CATSPER1: variants seen among roughly 807,000 people sequenced by gnomAD.
CATSPER1 encodes the protein cation channel sperm-associated protein 1.
Under a neutral mutation model 72.7 loss-of-function variants are expected in CATSPER1, and 57 were observed. The ratio of observed to expected loss-of-function variants is 0.78; its 90% CI spans 0.63 to 0.98. The LOEUF is 0.98. Ranked by LOEUF, CATSPER1 falls within the 50% of genes least tolerant of loss-of-function variation. The probability of loss-of-function intolerance (pLI) is 0.00; values close to 1 mark genes in which losing one functional copy is unlikely to be tolerated. For synonymous variants in CATSPER1, 363 were observed against 403.0 expected (o/e 0.90, Z 1.19); for missense variants, 910 against 1,033.9 (o/e 0.88, Z 1.64).
Position 66,016,843 on chromosome 11 carries a change from G to A in CATSPER1, c.*47C>T, listed in dbSNP as rs201745973. 2.7e-5 allele frequency: 43 copies of A among 1,598,850 alleles called. No individual in the cohort carries two copies. The African/African-American group carries it at 4.7e-4, about 17-fold the overall frequency. On this transcript the variant is annotated 3_prime_UTR_variant, in exon 12 of 12. Coordinates refer to ENST00000312106, the MANE Select transcript of CATSPER1 (RefSeq NM_053054.4). ...GGGACCCGTCCCAGTGCACCCAGGTGGGCAGACTGCCAGGGGCTGAAGTCT... is the reference window on the plus strand; with the variant it reads ...GGGACCCGTCCCAGTGCACCCAGGTAGGCAGACTGCCAGGGGCTGAAGTCT...
At position 66,022,843 on chromosome 11, in the gene CATSPER1, T is replaced by A. The variant is rs780145838; in HGVS notation, c.1429+6A>T. ...CTCCATGGGAACAGGACTCCCTGGC[T>A]CTTACCGCCCCGGATCTCGACTTCA... On this transcript the variant is annotated splice_donor_region_variant and intron_variant, in intron 2 of 11. Coordinates refer to ENST00000312106, the MANE Select transcript of CATSPER1 (RefSeq NM_053054.4). 2 of 1,614,134 alleles carry A rather than the reference T, an allele frequency of 1.2e-6. No homozygotes were observed. The highest frequency in any genetic ancestry group is 1.7e-6 in the Non-Finnish European group (2 of 1,179,990).
At chr11:66,017,971 G>C (rs1452377347) in intron 10 of CATSPER1, among the ~76,000 whole-genome samples, 1 of 152,176 alleles carries the variant, frequency 6.6e-6, no homozygotes, top group Non-Finnish European at 1.5e-5. Context: ...GGTCAAGGCA[G>C]GTGGATCATT....
chr11:66,018,078 T>C (rs750909693), intron 10 of CATSPER1, among the ~76,000 whole-genome samples: 1 of 151,624 alleles, frequency 6.6e-6, no homozygotes, highest in Non-Finnish European at 1.5e-5. Flanking sequence ...TGTGGTGACA[T>C]GCACCTGTAA....
chr11:66,025,733 C>A lies in CATSPER1; in HGVS notation c.647G>T (p.Gly216Val), dbSNP rs1400178489. 2 of 1,613,560 alleles carry A rather than the reference C, an allele frequency of 1.2e-6. No homozygotes were observed. The highest frequency in any genetic ancestry group is 1.7e-6 in the Non-Finnish European group (2 of 1,179,896). Residue 216 changes from glycine (G) to valine (V), a missense_variant, in exon 1 of 12, where the codon GGC becomes GTC. By Grantham distance (109) the Gly-to-Val change is moderately radical. Coordinates refer to ENST00000312106, the MANE Select transcript of CATSPER1 (RefSeq NM_053054.4). ...ESQHHQVPHR[G>V]WPHHHQVHHH... ...GTGGACTTGGTGATGGTGGGGCCAG[C>A]CACGGTGGGGGACTTGGTGATGCTG...
chr11:66,018,833 G>A lies in CATSPER1; in HGVS notation c.2195C>T (p.Thr732Ile), dbSNP rs1434880429. The A allele has an allele frequency of 1.2e-6, 2 of 1,613,494 alleles. No individual in the cohort carries two copies. The highest frequency in any genetic ancestry group is 2.7e-5 in the African/African-American group (2 of 74,958). ...RLIEKKFGTM[T>I]EKQQELLFHY... is the part of the protein sequence containing the mutation. ...TCCCTTCCTGTCTCCTCACTTCTCA[G>A]TCATGGTCCCAAACTTTTTCTCGAT... The change falls in exon 10 of 12, where the codon ACT (threonine) becomes ATT (isoleucine). Residue 732 changes from threonine (T) to isoleucine (I), a missense_variant. Transcript: ENST00000312106.
At chr11:66,019,918 CAAAAAAAAAAAAAAAAA>C (rs60681273) in intron 9 of CATSPER1, among the ~76,000 whole-genome samples, 6 of 62,692 alleles carry the variant, frequency 9.6e-5, no homozygotes, top group Non-Finnish European at 1.7e-4. Flanking sequence ...GACTCCATCT[CAAAAAAAAAAAAAAAAA>C]AAAAAAAAAG....
At chr11:66,022,167 C>G (rs1856388646) in intron 2 of CATSPER1, among the ~76,000 whole-genome samples, 1 of 152,124 alleles carries the variant, frequency 6.6e-6, no homozygotes. Context: ...TGGTGAAACC[C>G]TGTTTCTACC....
chr11:66,023,602 T>C (rs1043404196), intron 1 of CATSPER1, among the ~76,000 whole-genome samples: 3 of 150,958 alleles, frequency 2.0e-5, no homozygotes, highest in African/African-American at 4.9e-5. Flanking sequence ...CCCAGCACTT[T>C]GGGAGGTTGA....
rs1475918157 is a variant in CATSPER1 at position 66,021,797 on chromosome 11, G to C, written c.1512C>G (p.Leu504=). ...TGTTCCAGAAGTCAAAGAAGTACGA[G>C]AGGCCCAGGGCGATGATCTTGAGCA... ...EALLKIIALG[L]SYFFDFWNNL... is the part of the protein sequence containing the mutation. Residue 504 remains leucine, a synonymous_variant, in exon 3 of 12, where the codon CTC becomes CTG. Transcript: ENST00000312106. 1.9e-6 allele frequency: 3 copies of C among 1,614,036 alleles called. No individual in the cohort carries two copies. Among genetic ancestry groups the C allele is most frequent in the Non-Finnish European group, 2.5e-6 (3 of 1,180,028 alleles).
At position 66,021,148 on chromosome 11, in the gene CATSPER1, C is replaced by T. The variant is rs765838269; in HGVS notation, c.1729G>A (p.Gly577Ser). 6.2e-7 allele frequency: 1 copy of T among 1,613,494 alleles called. No individual in the cohort carries two copies. Among genetic ancestry groups the T allele is most frequent in the South Asian group, 1.1e-5 (1 of 90,934 alleles). The change falls in exon 5 of 12, where the codon GGC becomes AGC. Residue 577 changes from glycine to serine, a missense_variant. Transcript: ENST00000312106. Reference protein sequence around the residue: ...TSVQEVTGTLGQSLPSIAAIL... With the variant: ...TSVQEVTGTLSQSLPSIAAIL... ...GCTGCGATGGACGGCAAGGACTGGCCCAGGGTCCCTGTCACTTCCTGGACG... is the reference window on the plus strand; with the variant it reads ...GCTGCGATGGACGGCAAGGACTGGCTCAGGGTCCCTGTCACTTCCTGGACG...
Position 66,017,127 on chromosome 11 carries a change from T to C in CATSPER1, c.2249A>G (p.Glu750Gly). 1 of 1,378,092 alleles carries C rather than the reference T, an allele frequency of 7.3e-7. No homozygotes were observed. The highest frequency in any genetic ancestry group is 9.6e-7 in the Non-Finnish European group (1 of 1,036,786). 85.4% of individuals were successfully genotyped at this position (1,378,092 alleles called of 1,614,324 possible). A position where few individuals can be genotyped will look rare whatever the true frequency, so the allele number is the denominator to read the frequency against. ...FHYLQLVASV[E>G]QEQQKFRSQA... Reference sequence around the variant, plus strand: ...GGAGCGGAACTTCTGCTGCTCCTGCTCCACGCTTGCCACCAGCTGCAGGTA... The same window carrying C: ...GGAGCGGAACTTCTGCTGCTCCTGCCCCACGCTTGCCACCAGCTGCAGGTA... The change falls in exon 11 of 12, where the codon GAG becomes GGG. Residue 750 changes from glutamate (E) to glycine (G), a missense_variant. By Grantham distance (98) the Glu-to-Gly change is moderately conservative. Transcript: ENST00000312106.
chr11:66,021,009 C>A, intron 5 of CATSPER1, 55 bp from the exon 6 acceptor site: 3 of 1,611,628 alleles, frequency 1.9e-6, no homozygotes, highest in Non-Finnish European at 2.5e-6. Flanking sequence ...CCCAGCGCCC[C>A]TCGTCCTGCC....
At chr11:66,019,623 C>T (rs2134988288) in intron 9 of CATSPER1, among the ~76,000 whole-genome samples, 1 of 152,110 alleles carries the variant, frequency 6.6e-6, no homozygotes, top group East Asian at 1.9e-4. Flanking sequence ...GGTGTTGTGG[C>T]TCACACCTGC....
At chr11:66,024,033 G>A (rs757052464) in intron 1 of CATSPER1, among the ~76,000 whole-genome samples, 4 of 151,500 alleles carry the variant, frequency 2.6e-5, no homozygotes, top group Non-Finnish European at 5.9e-5. Context: ...TCGTGATCTC[G>A]GCTCACTACA....
rs1355990200 is a variant in CATSPER1, at chr11:66,021,601, A to G, written c.1586T>C (p.Met529Thr). ...MAMAVLDFLL[M>T]QTHSFAIYHQ... ...GTAGATGGCGAAGGAGTGGGTCTGC[A>G]TCAGCAAGAAGTCCAGCACGGCCAT... Residue 529 changes from methionine to threonine, a missense_variant, in exon 4 of 12, where the codon ATG becomes ACG. Physicochemically the swap from Met to Thr is moderately conservative, Grantham distance 81. Coordinates refer to ENST00000312106, the MANE Select transcript of CATSPER1 (RefSeq NM_053054.4). 1.9e-6 allele frequency: 3 copies of G among 1,611,360 alleles called. No individual in the cohort carries two copies. The highest frequency in any genetic ancestry group is 2.7e-5 in the African/African-American group (2 of 74,892).
Position 66,020,265 on chromosome 11 carries a change from C to T in CATSPER1, c.2064+52G>A. On this transcript the variant is annotated intron_variant, in intron 8 of 11. Coordinates refer to ENST00000312106, the MANE Select transcript of CATSPER1 (RefSeq NM_053054.4). The surrounding 1 kb of genome is among the most constrained non-coding windows in gnomAD (Gnocchi z 4.5). Reference sequence around the variant, plus strand: ...CTGCTCAACCCTGGAGGCCCCTGGCCTCACTCCTCCAGCTTCCTGATCTGG... The same window carrying T: ...CTGCTCAACCCTGGAGGCCCCTGGCTTCACTCCTCCAGCTTCCTGATCTGG... 6.2e-7 allele frequency: 1 copy of T among 1,614,114 alleles called. No individual in the cohort carries two copies. Among genetic ancestry groups the T allele is most frequent in the Non-Finnish European group, 8.5e-7 (1 of 1,179,938 alleles).
At chr11:66,018,789 C>T (rs1213114042) in intron 10 of CATSPER1, 38 bp downstream of exon 10, 3 of 1,608,390 alleles carry the variant, frequency 1.9e-6, no homozygotes, top group South Asian at 2.2e-5. Flanking sequence ...AGGCCTCACC[C>T]TCAGACCCCA....
intron 4 of CATSPER1, 44 bp downstream of exon 4, chr11:66,021,452 T>G: frequency 6.2e-7 from 1 of 1,606,290 alleles, no homozygotes. Flanking sequence ...GTGTCCCCTC[T>G]TCCTTTGGAG....
In CATSPER1 at chr11:66,017,134, T is replaced by C. The variant is rs1459697519; in HGVS notation, c.2242A>G (p.Ser748Gly). 2 of 1,505,904 alleles carry C rather than the reference T, an allele frequency of 1.3e-6. No homozygotes were observed. Among genetic ancestry groups the C allele is most frequent in the Non-Finnish European group, 1.8e-6 (2 of 1,113,846 alleles). 93.3% of individuals were successfully genotyped at this position (1,505,904 alleles called of 1,614,324 possible). A position where few individuals can be genotyped will look rare whatever the true frequency, so the allele number is the denominator to read the frequency against. ...AACTTCTGCTGCTCCTGCTCCACGC[T>C]TGCCACCAGCTGCAGGTAATGGAAC... Reference protein sequence around the residue: ...LLFHYLQLVASVEQEQQKFRS... With the variant: ...LLFHYLQLVAGVEQEQQKFRS... Residue 748 changes from serine to glycine, a missense_variant, in exon 11 of 12, where the codon AGC becomes GGC. By Grantham distance (56) the Ser-to-Gly change is moderately conservative (BLOSUM62 0). Transcript: ENST00000312106.
Sources: allele counts gnomAD v4.1 joint callset (sites outside exome capture counted in the v4.1 genomes callset), GRCh38; gene constraint gnomAD v4.1.1; non-coding constraint Gnocchi (gnomAD v3.1); transcripts MANE v1.5; gene names NCBI Gene and HGNC (gene_info 2026-07-23, HGNC 2026-07-21).